Variants in CARMIL1 observed in about 807,000 individuals in gnomAD.
CARMIL1 encodes F-actin-uncapping protein LRRC16A.
CARMIL1 carries 90 observed loss-of-function variants against 177.1 expected under a neutral mutation model. That is an observed-to-expected ratio of 0.51 (90% confidence interval 0.43 to 0.61). CARMIL1 has a LOEUF of 0.61. Among genes scored for constraint, CARMIL1 ranks in the 20% least tolerant of loss-of-function variants. The pLI is 0.00. For missense variants in CARMIL1, 1,380 were observed against 1,667.0 expected, an observed-to-expected ratio of 0.83 and a Z score of 3.00; for synonymous variants, 577 against 606.2, an observed-to-expected ratio of 0.95 and a Z score of 0.71.
chr6:25,430,577 G>GCAC (rs760626920), intron 4 of CARMIL1, among the ~76,000 whole-genome samples: 12 of 151,742 alleles, frequency 7.9e-5, no homozygotes, highest in Non-Finnish European at 1.8e-4. Flanking sequence ...CTACAGGCAT[G>GCAC]CACCACCATG....
intron 23 of CARMIL1, 115 bp downstream of exon 23, chr6:25,520,452 AT>A (rs1037786053): frequency 1.6e-6 from 1 of 624,764 alleles, no homozygotes; most frequent in East Asian, 2.8e-5. Flanking sequence ...ATTTTATTTT[AT>A]TTTTTCACAT....
At chr6:25,280,326 G>A (rs777033398) in intron 1 of CARMIL1, among the ~76,000 whole-genome samples, 15 of 152,304 alleles carry the variant, frequency 9.8e-5, no homozygotes, top group Non-Finnish European at 2.2e-4. Context: ...CCCGCGGGAG[G>A]TGATCTTCTG....
chr6:25,544,891 G>A (rs1809294668), intron 26 of CARMIL1, among the ~76,000 whole-genome samples: 1 of 152,172 alleles, frequency 6.6e-6, no homozygotes, highest in South Asian at 2.1e-4. Context: ...CTAGAGAAGT[G>A]TTAAGAATTC....
chr6:25,424,534 C>T (rs556988339), intron 3 of CARMIL1, among the ~76,000 whole-genome samples: 4 of 152,312 alleles, frequency 2.6e-5, no homozygotes, highest in East Asian at 3.9e-4. Context: ...ACACCTGCTA[C>T]CACCCACTGA....
intron 17 of CARMIL1, among the ~76,000 whole-genome samples, chr6:25,502,784 C>T (rs1286184018): frequency 6.6e-6 from 1 of 152,126 alleles, no homozygotes; most frequent in East Asian, 1.9e-4. Context: ...ATATAACTCA[C>T]CAATGGCAGA....
chr6:25,524,329 A>C (rs960411018), intron 23 of CARMIL1, among the ~76,000 whole-genome samples: 9 of 152,216 alleles, frequency 5.9e-5, no homozygotes, highest in African/African-American at 2.2e-4. Context: ...TGTCAAGTAA[A>C]ATAACAGTGG....
chr6:25,578,422 C>A (rs1347632352), intron 29 of CARMIL1, among the ~76,000 whole-genome samples: 1 of 151,944 alleles, frequency 6.6e-6, no homozygotes, highest in Non-Finnish European at 1.5e-5. Flanking sequence ...AATATTTGCT[C>A]CTAAATATAC....
intron 8 of CARMIL1, chr6:25,452,266 A>G (rs373325493): frequency 2.2e-5 from 17 of 761,434 alleles, no homozygotes; most frequent in East Asian, 1.9e-4. Flanking sequence ...CCTTCTTCCT[A>G]TAAGTGAGGC....
intron 15 of CARMIL1, among the ~76,000 whole-genome samples, chr6:25,492,492 G>A (rs1803340818): frequency 6.6e-6 from 1 of 152,146 alleles, no homozygotes; most frequent in Non-Finnish European, 1.5e-5. Context: ...GAATAAGGCA[G>A]TAGATTAGAA....
At chr6:25,312,264 C>T (rs1467375969) in intron 2 of CARMIL1, among the ~76,000 whole-genome samples, 1 of 152,194 alleles carries the variant, frequency 6.6e-6, no homozygotes, top group Non-Finnish European at 1.5e-5. Context: ...GGCTGGACTT[C>T]CTATTTGTCA....
chr6:25,330,547 A>G (rs1785519425), intron 2 of CARMIL1, among the ~76,000 whole-genome samples: 1 of 152,122 alleles, frequency 6.6e-6, no homozygotes, highest in Admixed American at 6.6e-5. Flanking sequence ...TTGGTTTAGA[A>G]GACAGTGAGG....
At chr6:25,619,398 A>G (rs760058570) in intron 36 of CARMIL1, 49 bp from the exon 37 acceptor site, 4 of 1,571,852 alleles carry the variant, frequency 2.5e-6, no homozygotes, top group Non-Finnish European at 2.6e-6. Flanking sequence ...CAGTCAGGCC[A>G]CTGGTATTAC....
At chr6:25,436,071 T>C (rs555722269) in intron 5 of CARMIL1, among the ~76,000 whole-genome samples, 1 of 152,342 alleles carries the variant, frequency 6.6e-6, no homozygotes, top group East Asian at 1.9e-4. Context: ...TTTTTTTCAT[T>C]GTCCTGTTAG....
intron 15 of CARMIL1, among the ~76,000 whole-genome samples, chr6:25,494,887 G>A (rs140440045): frequency 6.6e-6 from 1 of 152,314 alleles, no homozygotes; most frequent in African/African-American, 2.4e-5. Flanking sequence ...ATGAAGAATA[G>A]CAATGAATTG....
rs1394861259 is a variant in CARMIL1 at position 25,607,171 on chromosome 6, C to CA, written c.3847+905dup. Among the ~76,000 whole-genome samples the CA allele has an allele frequency of 4.8e-5, 7 of 146,890 alleles. No homozygotes were observed. The East Asian group carries it at 9.9e-4, about 21-fold the overall frequency. ...ATCTCAAAAAAACCAACCAAACAAA[C>CA]AAAAAAACACACAAAAAAACACCAC... is the stretch of plus-strand genomic sequence containing the variant. On this transcript the variant is annotated intron_variant, in intron 35 of 36. Coordinates refer to ENST00000329474, the MANE Select transcript of CARMIL1 (RefSeq NM_017640.6).
chr6:25,496,954 A>G (rs1481486203), intron 16 of CARMIL1, among the ~76,000 whole-genome samples: 1 of 152,184 alleles, frequency 6.6e-6, no homozygotes, highest in Non-Finnish European at 1.5e-5. Flanking sequence ...TTTGTTGCAT[A>G]TATACCTGTA....
At chr6:25,283,733 G>T (rs978788938) in intron 1 of CARMIL1, among the ~76,000 whole-genome samples, 1 of 152,048 alleles carries the variant, frequency 6.6e-6, no homozygotes, top group South Asian at 2.1e-4. Context: ...ATTTTTTTGA[G>T]ACAGAGTCTC....
intron 23 of CARMIL1, among the ~76,000 whole-genome samples, chr6:25,520,772 A>T (rs1252203220): frequency 6.6e-6 from 1 of 151,608 alleles, no homozygotes; most frequent in Non-Finnish European, 1.5e-5. Context: ...AATGTATGTA[A>T]ATCTACACCT....
intron 26 of CARMIL1, among the ~76,000 whole-genome samples, chr6:25,549,292 A>G (rs1378748792): frequency 6.6e-6 from 1 of 152,210 alleles, no homozygotes; most frequent in East Asian, 1.9e-4. Context: ...CCTTTCAGAA[A>G]GTAACTGATA....
Sources: allele counts gnomAD v4.1 joint callset (sites outside exome capture counted in the v4.1 genomes callset), GRCh38; gene constraint gnomAD v4.1.1; transcripts MANE v1.5; gene names NCBI Gene and HGNC (gene_info 2026-07-23, HGNC 2026-07-21).